The following CLDN14 variants were observed in gnomAD, a reference collection of about 807,000 sequenced individuals.
CLDN14 encodes claudin 14, also known as claudin-14.
A neutral mutation model predicts 2.1 loss-of-function variants in CLDN14; 2 were observed. That is an observed-to-expected ratio of 0.96 (90% CI 0.39 to 3.01). The LOEUF is 3.01. CLDN14 is among the 30% of genes most tolerant of loss of function. The pLI is 0.09. For synonymous variants in CLDN14, 136 were observed against 154.4 expected, an observed-to-expected ratio of 0.88 and a Z score of 0.88; for missense variants, 298 against 328.0, an observed-to-expected ratio of 0.91 and a Z score of 0.71.
chr21:36,485,744 A>G, intron 2 of CLDN14: 2 of 272,558 alleles, frequency 7.3e-6, no homozygotes, highest in South Asian at 5.8e-5. Flanking sequence ...AGGCAAACCA[A>G]GTCACTGTCC....
chr21:36,511,033 G>A (rs1439868743), intron 1 of CLDN14, among the ~76,000 whole-genome samples: 2 of 152,240 alleles, frequency 1.3e-5, no homozygotes, highest in African/African-American at 2.4e-5. Flanking sequence ...AGTTGGTGGT[G>A]GATGTAGAAA....
At chr21:36,571,713 ACCTCC>A (rs2087711263) in intron 1 of CLDN14, among the ~76,000 whole-genome samples, 1 of 152,076 alleles carries the variant, frequency 6.6e-6, no homozygotes, top group East Asian at 1.9e-4. Flanking sequence ...ACATACCGTT[ACCTCC>A]AAGTGCCCGG....
rs148926550 is a variant in CLDN14, at chr21:36,525,406, A to G, written c.-219-14906T>C. Reference sequence around the variant, plus strand: ...AAGCTAAATGAAAAAAAAAAGAAATAAAGACTTGAAGCTGGCAGCGAGGAG... The same window carrying G: ...AAGCTAAATGAAAAAAAAAAGAAATGAAGACTTGAAGCTGGCAGCGAGGAG... On this transcript the variant is annotated intron_variant, in intron 1 of 2. Coordinates refer to the CLDN14 transcript ENST00000342108. 1.7e-3 allele frequency among the ~76,000 whole-genome samples: 260 copies of G among 151,106 alleles called. 1 individual carries two copies. Among genetic ancestry groups the G allele is most frequent in the African/African-American group, 5.8e-3 (241 of 41,228 alleles).
intron 1 of CLDN14, among the ~76,000 whole-genome samples, chr21:36,473,753 A>C (rs1282533015): frequency 6.6e-6 from 1 of 152,190 alleles, no homozygotes; most frequent in East Asian, 1.9e-4. Flanking sequence ...GGCTGATTCT[A>C]GGAACCCTCC....
chr21:36,484,592 T>C (rs890496768), upstream of CLDN14, among the ~76,000 whole-genome samples: 2 of 152,230 alleles, frequency 1.3e-5, no homozygotes, highest in African/African-American at 2.4e-5. Flanking sequence ...GCTTCCAGCA[T>C]GACCACTCCA....
chr21:36,524,966 C>T (rs746761584), intron 1 of CLDN14, among the ~76,000 whole-genome samples: 1 of 152,206 alleles, frequency 6.6e-6, no homozygotes, highest in Non-Finnish European at 1.5e-5. Flanking sequence ...ACCTTGACTG[C>T]CCTTGGAGTT....
chr21:36,468,428 T>C (rs2086672186), intron 1 of CLDN14, among the ~76,000 whole-genome samples: 1 of 151,964 alleles, frequency 6.6e-6, no homozygotes, highest in Admixed American at 6.6e-5. Context: ...AATACAAAAA[T>C]TAGCCGGGTG....
intron 1 of CLDN14, among the ~76,000 whole-genome samples, chr21:36,560,066 A>G (rs1456922557): frequency 1.3e-5 from 2 of 152,244 alleles, no homozygotes; most frequent in Non-Finnish European, 2.9e-5. Flanking sequence ...ATAGTGTAGC[A>G]AATTTTTAAA....
chr21:36,461,461 C>T lies in CLDN14; in HGVS notation c.235G>A (p.Ala79Thr). The change falls in exon 2 of 2, where the codon GCT becomes ACT. Residue 79 changes from alanine (A) to threonine (T), a missense_variant. Physicochemically the swap from Ala to Thr is moderately conservative, Grantham distance 58. Transcript: ENST00000399135. ...SLLALPQDLQ[A>T]ARALMVISCL... Reference sequence around the variant, plus strand: ...GAGATGACCATGAGGGCGCGGGCAGCCTGGAGGTCTTGGGGCAGCGCCAGC... The same window carrying T: ...GAGATGACCATGAGGGCGCGGGCAGTCTGGAGGTCTTGGGGCAGCGCCAGC... 1 of 1,613,380 alleles carries T rather than the reference C, an allele frequency of 6.2e-7. No individual in the cohort carries two copies. The highest frequency in any genetic ancestry group is 8.5e-7 in the Non-Finnish European group (1 of 1,180,000).
At chr21:36,510,564 T>G (rs2146484267) in intron 1 of CLDN14, 1 of 152,408 alleles carries the variant, frequency 6.6e-6, no homozygotes, top group African/African-American at 2.4e-5. Context: ...AGCAGTTACC[T>G]CTAGAGAGGA....
chr21:36,467,813 C>T (rs1476965394), intron 1 of CLDN14, among the ~76,000 whole-genome samples: 1 of 152,180 alleles, frequency 6.6e-6, no homozygotes, highest in African/African-American at 2.4e-5. Context: ...CACATTGCTC[C>T]GTGGCCCTTG....
intron 1 of CLDN14, among the ~76,000 whole-genome samples, chr21:36,524,322 A>G (rs934164951): frequency 6.6e-6 from 1 of 152,072 alleles, no homozygotes; most frequent in African/African-American, 2.4e-5. Flanking sequence ...GGGTCTCCCT[A>G]TGTTACCCAG....
intron 1 of CLDN14, among the ~76,000 whole-genome samples, chr21:36,568,982 A>G (rs1397317815): frequency 6.6e-6 from 1 of 152,270 alleles, no homozygotes; most frequent in Non-Finnish European, 1.5e-5. Flanking sequence ...CTGCTGTCTT[A>G]TAGCCCTAAA....
intron 1 of CLDN14, among the ~76,000 whole-genome samples, chr21:36,545,746 GA>G (rs1213943889): frequency 1.3e-5 from 2 of 152,166 alleles, no homozygotes; most frequent in African/African-American, 4.8e-5. Context: ...ACTTTATTGT[GA>G]TGTTTTTGTA....
intron 1 of CLDN14, among the ~76,000 whole-genome samples, chr21:36,545,358 A>G (rs2087519604): frequency 6.6e-6 from 1 of 152,214 alleles, no homozygotes; most frequent in Non-Finnish European, 1.5e-5. Context: ...GCTGCTTGCT[A>G]CACATAATCC....
intron 1 of CLDN14, among the ~76,000 whole-genome samples, chr21:36,462,582 C>T (rs1203914941): frequency 1.3e-5 from 2 of 152,116 alleles, no homozygotes; most frequent in African/African-American, 4.8e-5. Flanking sequence ...ATACCAAAAT[C>T]CAGGATACTT....
At chr21:36,490,977 C>CTGG (rs2086958634) in intron 2 of CLDN14, among the ~76,000 whole-genome samples, 2 of 151,976 alleles carry the variant, frequency 1.3e-5, no homozygotes, top group Non-Finnish European at 2.9e-5. Flanking sequence ...CACACACACA[C>CTGG]ACACACACAC....
At chr21:36,483,470 G>A (rs993525294), upstream of CLDN14, among the ~76,000 whole-genome samples, 2 of 152,230 alleles carry the variant, frequency 1.3e-5, no homozygotes, top group Non-Finnish European at 2.9e-5. Flanking sequence ...GGGGTCACAG[G>A]GTCTGTGTCC....
At chr21:36,490,949 G>GACAGAC (rs775319552) in intron 2 of CLDN14, among the ~76,000 whole-genome samples, 98 of 148,854 alleles carry the variant, frequency 6.6e-4, no homozygotes, top group African/African-American at 2.3e-3. Context: ...CAAGTGCACA[G>GACAGAC]ACACACACAC....
Sources: allele counts gnomAD v4.1 joint callset (sites outside exome capture counted in the v4.1 genomes callset), GRCh38; gene constraint gnomAD v4.1.1; transcripts MANE v1.5; gene names NCBI Gene and HGNC (gene_info 2026-07-23, HGNC 2026-07-21).